Variants in NRIP1 observed in about 807,000 individuals in gnomAD.
NRIP1 encodes nuclear receptor-interacting protein 1.
A neutral mutation model predicts 75.0 loss-of-function variants in NRIP1; 28 were observed. The observed-to-expected ratio is 0.37, with a 90% CI of 0.28 to 0.51. The LOEUF is 0.51. Among genes scored for constraint, NRIP1 ranks in the 20% least tolerant of loss-of-function variants. The pLI, the probability that NRIP1 is intolerant of heterozygous loss-of-function variation, is 0.92. For missense variants in NRIP1, 1,435 were observed against 1,343.7 expected (o/e 1.07, Z -1.06); for synonymous variants, 526 against 487.6 (o/e 1.08, Z -1.04).
chr21:15,043,976 G>A (rs1326541466), intron 1 of NRIP1, among the ~76,000 whole-genome samples: 1 of 152,006 alleles, frequency 6.6e-6, no homozygotes, highest in Non-Finnish European at 1.5e-5. Context: ...CCAGCACCAC[G>A]CCCGGCTAGT....
At chr21:14,974,535 T>G (rs563963029) in intron 3 of NRIP1, among the ~76,000 whole-genome samples, 3 of 152,194 alleles carry the variant, frequency 2.0e-5, no homozygotes, top group Non-Finnish European at 2.9e-5. Flanking sequence ...CTTTACAATC[T>G]CCTCTATCAA....
chr21:15,002,196 T>C (rs1017008391), intron 3 of NRIP1: 1 of 152,190 alleles, frequency 6.6e-6, no homozygotes, highest in African/African-American at 2.4e-5. Flanking sequence ...CTCACAGCAG[T>C]GGTGCCAAGC....
intron 1 of NRIP1, among the ~76,000 whole-genome samples, chr21:15,046,515 A>T (rs2147342464): frequency 6.6e-6 from 1 of 152,212 alleles, no homozygotes; most frequent in Non-Finnish European, 1.5e-5. Context: ...GGTAGAAGAG[A>T]TTTAGTATAA....
At chr21:14,999,590 C>T (rs1334906010) in intron 3 of NRIP1, among the ~76,000 whole-genome samples, 1 of 152,096 alleles carries the variant, frequency 6.6e-6, no homozygotes, top group African/African-American at 2.4e-5. Flanking sequence ...TGTGTTTTAG[C>T]CCTGGCTCAG....
chr21:14,962,053 C>T lies in NRIP1; in HGVS notation c.*2663G>A, dbSNP rs1316857961. The T allele has an allele frequency of 6.9e-6, 1 of 145,290 alleles. No individual in the cohort carries two copies. Among genetic ancestry groups the T allele is most frequent in the Non-Finnish European group, 1.5e-5 (1 of 66,368 alleles). 9.0% of individuals were successfully genotyped at this position (145,290 alleles called of 1,614,324 possible). ...TATATATATATATATAAAATATATA[C>T]TCTCACCAGTTTACTCTTCTGTAAG... On this transcript the variant is annotated 3_prime_UTR_variant, in exon 4 of 4. Transcript: ENST00000318948.
intron 2 of NRIP1, among the ~76,000 whole-genome samples, chr21:15,029,436 G>A (rs527978938): frequency 1.3e-5 from 2 of 152,112 alleles, no homozygotes; most frequent in East Asian, 1.9e-4. Context: ...AAAACTTCCT[G>A]GACATCTCCC....
At chr21:15,025,841 A>G (rs944296282) in intron 2 of NRIP1, among the ~76,000 whole-genome samples, 1 of 152,214 alleles carries the variant, frequency 6.6e-6, no homozygotes, top group African/African-American at 2.4e-5. Context: ...GTCTTCTAAC[A>G]TGCCAGTGTC....
chr21:15,035,618 G>A (rs1405103581), intron 2 of NRIP1, among the ~76,000 whole-genome samples: 4 of 149,576 alleles, frequency 2.7e-5, no homozygotes, highest in South Asian at 2.1e-4. Context: ...GTGCAGTGGC[G>A]CGATCTCGGC....
intron 1 of NRIP1, among the ~76,000 whole-genome samples, chr21:15,052,998 T>C (rs1388126599): frequency 6.6e-6 from 1 of 152,216 alleles, no homozygotes; most frequent in African/African-American, 2.4e-5. Context: ...TAAAGTCAGA[T>C]TTTAATTTTA....
chr21:15,063,212 GA>G (rs1015130201), intron 1 of NRIP1, among the ~76,000 whole-genome samples: 1 of 152,056 alleles, frequency 6.6e-6, no homozygotes, highest in Non-Finnish European at 1.5e-5. Flanking sequence ...TGCCCAGGCA[GA>G]AAAAAAGTTA....
intron 3 of NRIP1, among the ~76,000 whole-genome samples, chr21:14,995,314 G>C (rs923744102): frequency 6.6e-6 from 1 of 152,220 alleles, no homozygotes; most frequent in Non-Finnish European, 1.5e-5. Flanking sequence ...GGGAGAAGGA[G>C]TCCTACTGCA....
chr21:15,026,898 T>A (rs1380634667), intron 2 of NRIP1, among the ~76,000 whole-genome samples: 1 of 152,044 alleles, frequency 6.6e-6, no homozygotes, highest in Non-Finnish European at 1.5e-5. Flanking sequence ...TGTAACTGGG[T>A]TGTTTGCAAC....
chr21:15,047,401 G>A (rs182822456), intron 1 of NRIP1, among the ~76,000 whole-genome samples: 337 of 152,264 alleles, frequency 2.2e-3, no homozygotes, highest in African/African-American at 7.4e-3. Context: ...TTAGCCAGGC[G>A]TGGTGGCGGG....
rs193170348 is a variant in NRIP1, at chr21:15,049,527, C to A, written c.-537-5953G>T. On this transcript the variant is annotated intron_variant, in intron 1 of 3. Transcript: ENST00000318948. Reference sequence around the variant, plus strand: ...AAGGTATTATTGGCACTTGAAGTTACTGGAGAAAAGAGAAGGAACTCAAAA... The same window carrying A: ...AAGGTATTATTGGCACTTGAAGTTAATGGAGAAAAGAGAAGGAACTCAAAA... 6.7e-4 allele frequency among the ~76,000 whole-genome samples: 102 copies of A among 152,108 alleles called. 1 individual carries two copies. The highest frequency in any genetic ancestry group is 2.3e-3 in the East Asian group (12 of 5,190).
chr21:15,060,268 C>T (rs2089396262), intron 1 of NRIP1, among the ~76,000 whole-genome samples: 1 of 152,136 alleles, frequency 6.6e-6, no homozygotes, highest in African/African-American at 2.4e-5. Flanking sequence ...GAATCCTATA[C>T]ATTCAGTATC....
At chr21:14,980,517 T>C (rs1396633017) in intron 3 of NRIP1, among the ~76,000 whole-genome samples, 1 of 151,600 alleles carries the variant, frequency 6.6e-6, no homozygotes, top group African/African-American at 2.4e-5. Context: ...TACATACATA[T>C]ATGCAATTAT....
At chr21:15,030,562 G>C (rs2088620224) in intron 2 of NRIP1, among the ~76,000 whole-genome samples, 1 of 152,166 alleles carries the variant, frequency 6.6e-6, no homozygotes, top group South Asian at 2.1e-4. Flanking sequence ...TCTTAATTAA[G>C]AATTGAAAAT....
intron 3 of NRIP1, among the ~76,000 whole-genome samples, chr21:15,003,063 T>C (rs1568972457): frequency 6.6e-6 from 1 of 152,198 alleles, no homozygotes; most frequent in Non-Finnish European, 1.5e-5. Context: ...TCTTTTCAAT[T>C]AGACATTTTC....
At chr21:15,054,549 G>A (rs977612632) in intron 1 of NRIP1, among the ~76,000 whole-genome samples, 2 of 152,076 alleles carry the variant, frequency 1.3e-5, no homozygotes, top group African/African-American at 4.8e-5. Flanking sequence ...GAAAGAAGAA[G>A]ATACATTTTA....
Sources: allele counts gnomAD v4.1 joint callset (sites outside exome capture counted in the v4.1 genomes callset), GRCh38; gene constraint gnomAD v4.1.1; transcripts MANE v1.5; gene names NCBI Gene and HGNC (gene_info 2026-07-23, HGNC 2026-07-21).